Variants in ZDHHC15 observed in about 807,000 individuals in gnomAD.
ZDHHC15 encodes palmitoyltransferase ZDHHC15.
In ZDHHC15, 19 loss-of-function variants were observed where a neutral mutation model predicts 31.7. The observed-to-expected ratio is 0.60, with a 90% CI of 0.42 to 0.88. ZDHHC15 has a LOEUF of 0.88. Among genes scored for constraint, ZDHHC15 ranks in the 40% least tolerant of loss-of-function variants. The probability of loss-of-function intolerance (pLI) is 0.00; values close to 1 mark genes in which losing one functional copy is unlikely to be tolerated. For synonymous variants in ZDHHC15, 103 were observed against 90.0 expected, an observed-to-expected ratio of 1.14 and a Z score of -0.82; for missense variants, 209 against 251.2, an observed-to-expected ratio of 0.83 and a Z score of 1.14.
intron 4 of ZDHHC15, among the ~76,000 whole-genome samples, chrX:75,432,180 C>A (rs2083788147): frequency 9.0e-6 from 1 of 111,295 alleles, no homozygotes; most frequent in Non-Finnish European, 1.9e-5. Flanking sequence ...ATAAAAAAAT[C>A]ATTCCTCCTT....
At chrX:75,519,440 T>C (rs760510747) in intron 1 of ZDHHC15, among the ~76,000 whole-genome samples, 1 of 111,682 alleles carries the variant, frequency 9.0e-6, no homozygotes, top group Non-Finnish European at 1.9e-5. Context: ...ATTTGTCATA[T>C]GGATGAACAA....
intron 2 of ZDHHC15, among the ~76,000 whole-genome samples, chrX:75,498,924 T>C (rs925763531): frequency 8.9e-6 from 1 of 111,796 alleles, no homozygotes; most frequent in Non-Finnish European, 1.9e-5. Context: ...ATGGTACTTG[T>C]ATAAAAACAG....
At chrX:75,465,332 C>T (rs1233514801) in intron 3 of ZDHHC15, among the ~76,000 whole-genome samples, 1 of 112,174 alleles carries the variant, frequency 8.9e-6, no homozygotes, top group Non-Finnish European at 1.9e-5. Flanking sequence ...AAAAACATTC[C>T]ATGCTCATGA....
chrX:75,460,554 C>T (rs369985369), intron 3 of ZDHHC15, among the ~76,000 whole-genome samples: 3 of 109,818 alleles, frequency 2.7e-5, no homozygotes, highest in South Asian at 4.0e-4. Context: ...CAGGTCATTA[C>T]CCCCCTGGGA....
chrX:75,431,574 TTA>T (rs1323034647), intron 4 of ZDHHC15, 54 bp from the exon 5 acceptor site: 4 of 1,057,381 alleles, frequency 3.8e-6, no homozygotes, highest in Non-Finnish European at 5.2e-6. Context: ...ATATAAGACC[TTA>T]TATCTTACTA....
chrX:75,459,395 C>T (rs916813948), intron 3 of ZDHHC15, among the ~76,000 whole-genome samples: 2 of 111,792 alleles, frequency 1.8e-5, no homozygotes, highest in Admixed American at 1.9e-4. Context: ...CTGAAGTCTG[C>T]CTGAGATGAG....
At chrX:75,496,293 T>C (rs941369383) in intron 2 of ZDHHC15, among the ~76,000 whole-genome samples, 3 of 111,260 alleles carry the variant, frequency 2.7e-5, no homozygotes, top group Admixed American at 1.9e-4. Flanking sequence ...TTTAGGGCAA[T>C]AGGAAAATGT....
intron 1 of ZDHHC15, among the ~76,000 whole-genome samples, chrX:75,517,825 A>G (rs1308870076): frequency 9.0e-6 from 1 of 110,834 alleles, no homozygotes; most frequent in Non-Finnish European, 1.9e-5. Context: ...CCTAAAGGTG[A>G]GAGCTAAAAG....
At chrX:75,487,155 A>AGTTAG (rs2084791428) in intron 2 of ZDHHC15, among the ~76,000 whole-genome samples, 1 of 111,750 alleles carries the variant, frequency 8.9e-6, no homozygotes, top group Non-Finnish European at 1.9e-5. Flanking sequence ...GTCCTACAAC[A>AGTTAG]CCCTGGCTAA....
intron 3 of ZDHHC15, among the ~76,000 whole-genome samples, chrX:75,474,991 G>A (rs1160346916): frequency 2.7e-5 from 3 of 111,024 alleles, no homozygotes; most frequent in East Asian, 5.6e-4. Flanking sequence ...ACCCGGAGGT[G>A]GAGCTTGCAG....
chrX:75,389,791 G>A (rs1172637497), intron 10 of ZDHHC15, among the ~76,000 whole-genome samples: 2 of 111,382 alleles, frequency 1.8e-5, no homozygotes, highest in East Asian at 5.7e-4. Flanking sequence ...CACAGCTATG[G>A]TGACGATGAG....
chrX:75,428,443 G>A (rs1157790344), intron 7 of ZDHHC15, among the ~76,000 whole-genome samples: 1 of 111,501 alleles, frequency 9.0e-6, no homozygotes, highest in Non-Finnish European at 1.9e-5. Context: ...CATTTTTAAA[G>A]GTAAAGCACT....
chrX:75,388,877 C>G (rs984665283), intron 10 of ZDHHC15, among the ~76,000 whole-genome samples: 10 of 112,091 alleles, frequency 8.9e-5, no homozygotes, highest in Non-Finnish European at 1.9e-4. Flanking sequence ...ACAAAAAGCA[C>G]CTTCATAAGA....
intron 7 of ZDHHC15, among the ~76,000 whole-genome samples, chrX:75,426,358 A>G (rs1429665811): frequency 9.1e-6 from 1 of 110,202 alleles, no homozygotes; most frequent in Non-Finnish European, 1.9e-5. Flanking sequence ...CTATTCCCTC[A>G]CCCCACCCAA....
chrX:75,515,639 C>T (rs755270021), intron 1 of ZDHHC15, among the ~76,000 whole-genome samples: 2 of 111,655 alleles, frequency 1.8e-5, no homozygotes, highest in South Asian at 7.5e-4. Context: ...ACCGAATGGG[C>T]AAAAACTGGA....
chrX:75,404,932 G>A (rs1463932230), intron 10 of ZDHHC15, among the ~76,000 whole-genome samples: 2 of 111,930 alleles, frequency 1.8e-5, no homozygotes, highest in African/African-American at 6.5e-5. Flanking sequence ...GCACACAAAT[G>A]TTCACTGCAG....
chrX:75,448,045 G>T (rs2084058169), intron 4 of ZDHHC15, among the ~76,000 whole-genome samples: 1 of 112,158 alleles, frequency 8.9e-6, no homozygotes, highest in Non-Finnish European at 1.9e-5. Context: ...GGGTGGAAAT[G>T]GTAGTGTAAA....
intron 9 of ZDHHC15, among the ~76,000 whole-genome samples, chrX:75,421,232 TCTG>T (rs1197886297): frequency 8.1e-5 from 8 of 99,062 alleles, no homozygotes; most frequent in African/African-American, 2.6e-4. Context: ...ATATTTCTCT[TCTG>T]CTGTTTTTCT....
At chrX:75,510,791 T>G (rs1433860861) in intron 1 of ZDHHC15, among the ~76,000 whole-genome samples, 1 of 74,939 alleles carries the variant, frequency 1.3e-5, no homozygotes, top group African/African-American at 4.9e-5. Flanking sequence ...GTGATCTCAT[T>G]GTTCAATTCC....
Sources: allele counts gnomAD v4.1 joint callset (sites outside exome capture counted in the v4.1 genomes callset), GRCh38; gene constraint gnomAD v4.1.1; transcripts MANE v1.5; gene names NCBI Gene and HGNC (gene_info 2026-07-23, HGNC 2026-07-21).